INO80D: variants seen among roughly 807,000 people sequenced by gnomAD.
The protein encoded by INO80D is INO80 complex subunit D.
In INO80D, 21 loss-of-function variants were observed where a neutral mutation model predicts 87.6. The ratio of observed to expected loss-of-function variants is 0.24; its 90% CI spans 0.17 to 0.35. The LOEUF is 0.35. Among genes scored for constraint, INO80D ranks in the 10% least tolerant of loss-of-function variants. The pLI is 1.00. For synonymous variants in INO80D, 440 were observed against 491.0 expected (o/e 0.90, Z 1.37); for missense variants, 982 against 1,280.7 (o/e 0.77, Z 3.56).
chr2:206,075,436 T>C lies in INO80D; in HGVS notation c.-124+10465A>G, dbSNP rs571803413. ...GAGCCTAGATCTACAACATACCTTA[T>C]AATTTTTTTTTTTTTTTAAAGACAG... On this transcript the variant is annotated intron_variant, in intron 1 of 10. Coordinates refer to ENST00000403263, the MANE Select transcript of INO80D (RefSeq NM_017759.5). Among the ~76,000 whole-genome samples the C allele has an allele frequency of 1.8e-3, 256 of 144,640 alleles. 1 individual carries two copies. The highest frequency in any genetic ancestry group is 5.8e-3 in the African/African-American group (234 of 40,140). The allele number at this position is 144,640 out of a possible 152,430, so 94.9% of individuals were successfully genotyped here.
chr2:206,065,175 A>T (rs949313808), intron 1 of INO80D, among the ~76,000 whole-genome samples: 1 of 152,186 alleles, frequency 6.6e-6, no homozygotes, highest in Non-Finnish European at 1.5e-5. Context: ...ATGAGTTAAG[A>T]TCTGAAAAGT....
chr2:206,054,183 CT>C (rs571731107), intron 4 of INO80D, among the ~76,000 whole-genome samples: 1,461 of 140,026 alleles, frequency 0.01, 20 homozygotes, highest in African/African-American at 0.029. Flanking sequence ...CTTTTCTTTT[CT>C]TTTTTTTTTT....
chr2:206,046,723 T>C, intron 4 of INO80D, 111 bp from the exon 5 acceptor site: 3 of 654,228 alleles, frequency 4.6e-6, no homozygotes, highest in Non-Finnish European at 8.2e-6. Context: ...GCAAGTACTA[T>C]CATGGTGTGA....
intron 1 of INO80D, among the ~76,000 whole-genome samples, chr2:206,073,286 G>GA (rs999448707): frequency 1.8e-4 from 27 of 152,182 alleles, no homozygotes; most frequent in African/African-American, 6.5e-4. Context: ...GCAGTTCTCA[G>GA]AAAAAATCCT....
At position 205,996,279 on chromosome 2, in the gene INO80D, G is replaced by A. The variant is rs1687805455; in HGVS notation, c.*8089C>T. 6.6e-6 allele frequency: 1 copy of A among 150,624 alleles called. No individual in the cohort carries two copies. The highest frequency in any genetic ancestry group is 2.4e-5 in the African/African-American group (1 of 41,072). 9.3% of individuals were successfully genotyped at this position (150,624 alleles called of 1,614,324 possible). On this transcript the variant is annotated 3_prime_UTR_variant, in exon 11 of 11. Coordinates refer to ENST00000403263, the MANE Select transcript of INO80D (RefSeq NM_017759.5). ...AATATGCTTAAGCCAGATGCTTCTG[G>A]CTAGAAGAGACAGAATTAAGGGGGA...
At position 206,067,519 on chromosome 2, in the gene INO80D, C is replaced by T. The variant is rs1276490012; in HGVS notation, c.-123-4275G>A. 2.0e-5 allele frequency among the ~76,000 whole-genome samples: 3 copies of T among 151,924 alleles called. No individual in the cohort carries two copies. In the East Asian group the frequency reaches 5.8e-4, roughly 29 times the overall value. On this transcript the variant is annotated intron_variant, in intron 1 of 10. Coordinates refer to ENST00000403263, the MANE Select transcript of INO80D (RefSeq NM_017759.5). ...TTGAGATGATGGCTGTTCTAATTACCCTGCTGATTACTATACATTATATGA... is the reference window on the plus strand; with the variant it reads ...TTGAGATGATGGCTGTTCTAATTACTCTGCTGATTACTATACATTATATGA...
chr2:206,039,514 C>A (rs1575833360), intron 5 of INO80D, among the ~76,000 whole-genome samples: 1 of 152,020 alleles, frequency 6.6e-6, no homozygotes, highest in Non-Finnish European at 1.5e-5. Context: ...TAAACTCTTA[C>A]AAATAAAAAA....
rs937088916 is a variant in INO80D at position 206,009,664 on chromosome 2, G to A, written c.1673C>T (p.Pro558Leu). Reference protein sequence around the residue: ...KKKRRRGPRRPQKPIPPAVPQ... With the variant: ...KKKRRRGPRRLQKPIPPAVPQ... Reference sequence around the variant, plus strand: ...GACTGCAGGTGGAATGGGTTTTTGGGGTCGACGAGGTCCACGCCTTCTCTT... The same window carrying A: ...GACTGCAGGTGGAATGGGTTTTTGGAGTCGACGAGGTCCACGCCTTCTCTT... Residue 558 changes from proline (P) to leucine (L), a missense_variant, in exon 9 of 11, where the codon CCC becomes CTC. Physicochemically the swap from Pro to Leu is moderately conservative, Grantham distance 98 (BLOSUM62 -3). Coordinates refer to ENST00000403263, the MANE Select transcript of INO80D (RefSeq NM_017759.5). 2 of 1,613,986 alleles carry A rather than the reference G, an allele frequency of 1.2e-6. No individual in the cohort carries two copies. Among genetic ancestry groups the A allele is most frequent in the Non-Finnish European group, 1.7e-6 (2 of 1,179,898 alleles).
intron 6 of INO80D, among the ~76,000 whole-genome samples, chr2:206,023,986 T>C (rs1688536697): frequency 6.6e-6 from 1 of 152,202 alleles, no homozygotes; most frequent in Admixed American, 6.5e-5. Context: ...CCAAACTCAT[T>C]GTATAGTCTT....
At chr2:206,048,051 T>C (rs1435871545) in intron 4 of INO80D, among the ~76,000 whole-genome samples, 4 of 151,986 alleles carry the variant, frequency 2.6e-5, no homozygotes, top group African/African-American at 4.8e-5. Flanking sequence ...GAGACGGGGT[T>C]TCACCGTGCT....
At position 206,062,694 on chromosome 2, in the gene INO80D, G is replaced by A; in HGVS notation, c.218+105C>T. 1 of 888,692 alleles carries A rather than the reference G, an allele frequency of 1.1e-6. No individual in the cohort carries two copies. The highest frequency in any genetic ancestry group is 1.7e-6 in the Non-Finnish European group (1 of 574,124). The allele number at this position is 888,692 out of a possible 1,614,324, so 55.1% of individuals were successfully genotyped here. A position where few individuals can be genotyped will look rare whatever the true frequency, so the allele number is the denominator to read the frequency against. On this transcript the variant is annotated intron_variant, in intron 3 of 10. Coordinates refer to ENST00000403263, the MANE Select transcript of INO80D (RefSeq NM_017759.5). The surrounding 1 kb of genome is among the most constrained non-coding windows in gnomAD (Gnocchi z 4.6). ...ATTTATATAGGTGGAGGAAGGGAGG[G>A]AGGGAGAAATGAAGGACAGAAGAAA...
chr2:206,042,793 T>C (rs752907438), intron 5 of INO80D, among the ~76,000 whole-genome samples: 5 of 151,946 alleles, frequency 3.3e-5, no homozygotes, highest in Non-Finnish European at 7.4e-5. Flanking sequence ...GAGACCAGCA[T>C]TGGCAACATA....
chr2:206,049,501 A>T (rs1307885435), intron 4 of INO80D, among the ~76,000 whole-genome samples: 1 of 152,148 alleles, frequency 6.6e-6, no homozygotes, highest in Non-Finnish European at 1.5e-5. Context: ...GACACCTCTG[A>T]GGTGTCTTGA....
rs188801160 is a variant in INO80D, at chr2:206,077,045, G to A, written c.-124+8856C>T. On this transcript the variant is annotated intron_variant, in intron 1 of 10. Coordinates refer to ENST00000403263, the MANE Select transcript of INO80D (RefSeq NM_017759.5). Reference sequence around the variant, plus strand: ...TCCCAGCACTTTGGGAGGCCAAGGCGGGTGGATCACGAGGTCAGGAGATCG... The same window carrying A: ...TCCCAGCACTTTGGGAGGCCAAGGCAGGTGGATCACGAGGTCAGGAGATCG... Among the ~76,000 whole-genome samples, 500 of 152,218 alleles carry A rather than the reference G, an allele frequency of 3.3e-3. 5 individuals are homozygous for A. The highest frequency in any genetic ancestry group is 0.011 in the African/African-American group (460 of 41,534).
At chr2:206,027,142 G>A (rs774890564) in intron 6 of INO80D, among the ~76,000 whole-genome samples, 76 of 109,004 alleles carry the variant, frequency 7.0e-4, no homozygotes, top group Non-Finnish European at 1.1e-3. Flanking sequence ...ATTTACACAC[G>A]CACGCGCGCA....
intron 5 of INO80D, among the ~76,000 whole-genome samples, chr2:206,028,814 T>G (rs1252261985): frequency 6.6e-6 from 1 of 152,222 alleles, no homozygotes; most frequent in African/African-American, 2.4e-5. Flanking sequence ...TTAACCACCT[T>G]TTTCTTGCTA....
chr2:206,025,558 TATATATATATAA>T lies in INO80D; in HGVS notation c.1298+2541_1298+2552del, dbSNP rs1282647849. On this transcript the variant is annotated intron_variant, in intron 6 of 10. Transcript: ENST00000403263. ...AAAAAAAAAAATATATATATATATA[TATATATATATAA>T]AATAACTAAAAAGTGTGAAATAGGC... is the stretch of plus-strand genomic sequence containing the variant. 2.4e-5 allele frequency: 3 copies of T among 125,230 alleles called. 1 individual carries two copies. Among genetic ancestry groups the T allele is most frequent in the Admixed American group, 2.0e-4 (2 of 9,834 alleles). 7.8% of individuals were successfully genotyped at this position (125,230 alleles called of 1,614,324 possible).
intron 1 of INO80D, among the ~76,000 whole-genome samples, chr2:206,079,316 G>GC (rs1690211533): frequency 6.6e-6 from 1 of 152,016 alleles, no homozygotes; most frequent in African/African-American, 2.4e-5. Flanking sequence ...CAAGTGATCC[G>GC]CCCACCTTGG....
Position 206,004,361 on chromosome 2 carries a change from G to T in INO80D, c.*7C>A. The T allele has an allele frequency of 6.3e-7, 1 of 1,579,060 alleles. No homozygotes were observed. Among genetic ancestry groups the T allele is most frequent in the East Asian group, 2.3e-5 (1 of 43,252 alleles). ...TTCCCCACCTGCCTGCAAACACACA[G>T]ACACCCTCAGTTAGGGGAGGGAAAG... On this transcript the variant is annotated 3_prime_UTR_variant, in exon 11 of 11. Transcript: ENST00000403263. This position sits in a 1 kb window ranked among gnomAD's most constrained non-coding sequence, Gnocchi z 4.9.
Sources: gnomAD v4.1 joint callset for allele counts (sites outside exome capture counted in the v4.1 genomes callset) on GRCh38, gnomAD v4.1.1 for gene constraint, Gnocchi (gnomAD v3.1) non-coding constraint, MANE v1.5 for transcripts, NCBI Gene and HGNC (gene_info 2026-07-23, HGNC 2026-07-21) for gene names.